Variants in SLC25A26 observed in about 807,000 individuals in gnomAD.
SLC25A26 encodes the protein mitochondrial S-adenosylmethionine carrier protein.
Under a neutral mutation model 37.8 loss-of-function variants are expected in SLC25A26, and 36 were observed. That is an observed-to-expected ratio of 0.95 (90% CI 0.73 to 1.26). SLC25A26 has a LOEUF of 1.26. Ranked by LOEUF, SLC25A26 falls within the 50% of genes most tolerant of loss-of-function variation. SLC25A26 has a pLI of 0.00. For missense variants in SLC25A26, 390 were observed against 331.1 expected, an observed-to-expected ratio of 1.18 and a Z score of -1.38; for synonymous variants, 129 against 122.5, an observed-to-expected ratio of 1.05 and a Z score of -0.35.
At chr3:66,178,083 C>T (rs560741773) in intron 1 of SLC25A26, among the ~76,000 whole-genome samples, 25 of 152,266 alleles carry the variant, frequency 1.6e-4, no homozygotes, top group East Asian at 7.7e-4. Context: ...CCCCATCATT[C>T]GTTGAATTTC....
chr3:66,268,335 C>T (rs1441856287), intron 5 of SLC25A26, among the ~76,000 whole-genome samples: 1 of 152,126 alleles, frequency 6.6e-6, no homozygotes, highest in Non-Finnish European at 1.5e-5. Flanking sequence ...CCAAATTGCT[C>T]TTTAGGGAAG....
At chr3:66,178,909 G>T (rs2070641406) in intron 1 of SLC25A26, among the ~76,000 whole-genome samples, 1 of 152,140 alleles carries the variant, frequency 6.6e-6, no homozygotes, top group African/African-American at 2.4e-5. Flanking sequence ...GTTATCAATG[G>T]CTGCTCATAT....
intron 5 of SLC25A26, among the ~76,000 whole-genome samples, chr3:66,319,223 A>T (rs960266985): frequency 6.6e-6 from 1 of 151,546 alleles, no homozygotes; most frequent in Non-Finnish European, 1.5e-5. Flanking sequence ...CATTTCCTGT[A>T]TATTAGGAGC....
In SLC25A26 at chr3:66,369,513, G is replaced by T. The variant is rs556548845; in HGVS notation, c.604G>T (p.Val202Leu). ...CGCTGCAGTCACCACCCCTCTAGACGTGGCAAAGACAAGAATTACGCTGGC... is the reference window on the plus strand; with the variant it reads ...CGCTGCAGTCACCACCCCTCTAGACTTGGCAAAGACAAGAATTACGCTGGC... ...FAAAVTTPLDVAKTRITLAKA... is the reference protein window; with the variant it reads ...FAAAVTTPLDLAKTRITLAKA... Residue 202 changes from valine to leucine, a missense_variant, in exon 8 of 10, where the codon GTG becomes TTG. Val to Leu is a conservative substitution (Grantham distance 32, BLOSUM62 1). Transcript: ENST00000354883. 1.2e-6 allele frequency: 2 copies of T among 1,604,432 alleles called. No homozygotes were observed. The highest frequency in any genetic ancestry group is 3.4e-5 in the Admixed American group (2 of 58,734).
intron 9 of SLC25A26, among the ~76,000 whole-genome samples, chr3:66,375,647 G>A (rs1700605319): frequency 6.6e-6 from 1 of 152,186 alleles, no homozygotes; most frequent in African/African-American, 2.4e-5. Flanking sequence ...TTTACAGCAT[G>A]CTTTCTTGAA....
chr3:66,371,426 C>T, intron 9 of SLC25A26: 1 of 1,436,946 alleles, frequency 7.0e-7, no homozygotes. Flanking sequence ...GAGTCAGGAC[C>T]CAGTTAAGGT....
chr3:66,301,858 G>A (rs1444322749), intron 5 of SLC25A26, among the ~76,000 whole-genome samples: 1 of 152,154 alleles, frequency 6.6e-6, no homozygotes, highest in African/African-American at 2.4e-5. Context: ...CCAGTACTTA[G>A]CCATGTGGCC....
intron 8 of SLC25A26, among the ~76,000 whole-genome samples, 197 bp from the exon 9 acceptor site, chr3:66,370,332 C>T (rs922155170): frequency 2.0e-5 from 3 of 152,196 alleles, no homozygotes; most frequent in East Asian, 1.9e-4. Flanking sequence ...GGGCCACATC[C>T]CTGCTTGCCT....
At chr3:66,335,388 T>C (rs2076071391) in intron 5 of SLC25A26, among the ~76,000 whole-genome samples, 1 of 152,226 alleles carries the variant, frequency 6.6e-6, no homozygotes, top group Admixed American at 6.5e-5. Flanking sequence ...GACGAATAAA[T>C]GTAAAGAATG....
At chr3:66,309,889 T>G (rs933982978) in intron 5 of SLC25A26, among the ~76,000 whole-genome samples, 1 of 152,214 alleles carries the variant, frequency 6.6e-6, no homozygotes, top group African/African-American at 2.4e-5. Context: ...TCCATTATTT[T>G]GCATTTGCTG....
At chr3:66,370,327 A>G (rs559244879) in intron 8 of SLC25A26, among the ~76,000 whole-genome samples, 4 of 152,228 alleles carry the variant, frequency 2.6e-5, no homozygotes, top group Non-Finnish European at 5.9e-5. Context: ...GGCATGGGCC[A>G]CATCCCTGCT....
At chr3:66,371,432 A>C in intron 9 of SLC25A26, 1 of 1,429,364 alleles carries the variant, frequency 7.0e-7, no homozygotes, top group South Asian at 1.6e-5. Flanking sequence ...GGACCCAGTT[A>C]AGGTTTTTAT....
chr3:66,355,425 C>T (rs749697844), intron 6 of SLC25A26, among the ~76,000 whole-genome samples: 74 of 152,216 alleles, frequency 4.9e-4, no homozygotes, highest in Non-Finnish European at 9.4e-4. Context: ...CCAAGTCAGC[C>T]TGTATACCAT....
In SLC25A26 at chr3:66,244,227, G is replaced by T. The variant is rs139974367; in HGVS notation, c.300+915G>T. Among the ~76,000 whole-genome samples, 20 of 152,196 alleles carry T rather than the reference G, an allele frequency of 1.3e-4. No individual in the cohort carries two copies. The South Asian group carries it at 3.5e-3, about 27-fold the overall frequency. ...TTAATATTAGGAAAAAATACGTAAG[G>T]CAAAAAACAAAGAGACCAGTGCACA... On this transcript the variant is annotated intron_variant, in intron 3 of 9. Transcript: ENST00000354883.
intron 5 of SLC25A26, among the ~76,000 whole-genome samples, chr3:66,279,336 G>A (rs1346361778): frequency 1.3e-5 from 2 of 152,104 alleles, no homozygotes; most frequent in East Asian, 1.9e-4. Context: ...CCTGAAGGCC[G>A]CATAGCATAG....
intron 1 of SLC25A26, among the ~76,000 whole-genome samples, chr3:66,176,839 T>C (rs2070594827): frequency 6.6e-6 from 1 of 152,008 alleles, no homozygotes; most frequent in Non-Finnish European, 1.5e-5. Flanking sequence ...GGGTGAAAGG[T>C]GGTGAGATGA....
chr3:66,311,371 A>C (rs1021899251), intron 5 of SLC25A26, among the ~76,000 whole-genome samples: 5 of 152,054 alleles, frequency 3.3e-5, no homozygotes, highest in African/African-American at 1.2e-4. Flanking sequence ...TAAACTGGTT[A>C]TTCTAGTTAG....
intron 8 of SLC25A26, among the ~76,000 whole-genome samples, 200 bp downstream of exon 8, chr3:66,369,742 C>G (rs1483824524): frequency 6.6e-6 from 1 of 152,210 alleles, no homozygotes; most frequent in African/African-American, 2.4e-5. Context: ...ATTTCACAGT[C>G]ATTTTCACAT....
intron 1 of SLC25A26, among the ~76,000 whole-genome samples, chr3:66,234,616 A>C (rs370669644): frequency 1.6e-3 from 240 of 152,324 alleles, no homozygotes; most frequent in African/African-American, 5.4e-3. Context: ...GTGCTAGTTA[A>C]TTTGAAAATA....
Sources: gnomAD v4.1 joint callset for allele counts (sites outside exome capture counted in the v4.1 genomes callset) on GRCh38, gnomAD v4.1.1 for gene constraint, MANE v1.5 for transcripts, NCBI Gene and HGNC (gene_info 2026-07-23, HGNC 2026-07-21) for gene names.